Variants in FBXO22 observed in about 807,000 individuals in gnomAD.
FBXO22 encodes F-box protein 22.
FBXO22 carries 13 observed loss-of-function variants against 37.2 expected under a neutral mutation model. The observed-to-expected ratio is 0.35, with a 90% CI of 0.23 to 0.56. The LOEUF (loss-of-function observed/expected upper bound fraction) is 0.56, where lower values mean the gene tolerates loss of function less well. Among genes scored for constraint, FBXO22 ranks in the 20% least tolerant of loss-of-function variants. The pLI is 0.87. For synonymous variants in FBXO22, 189 were observed against 189.1 expected (o/e 1.00, Z 0.00); for missense variants, 446 against 509.9 (o/e 0.87, Z 1.21).
chr15:75,911,765 T>A (rs1413159614), intron 2 of FBXO22, among the ~76,000 whole-genome samples: 3 of 151,486 alleles, frequency 2.0e-5, no homozygotes, highest in African/African-American at 7.3e-5. Context: ...TTCTTTCTCT[T>A]GCTTGATTGG....
At chr15:75,914,234 C>T (rs1452389175) in intron 4 of FBXO22, 29 bp downstream of exon 4, 1 of 1,498,406 alleles carries the variant, frequency 6.7e-7, no homozygotes, top group Non-Finnish European at 9.3e-7. Context: ...TTGATGATTT[C>T]TTCCTTGCAT....
In FBXO22 at chr15:75,903,948, G is replaced by A. The variant is rs1037571715; in HGVS notation, c.-16G>A. ...TCCGAGCCGCCGTAGGACTGGTTCC[G>A]GCGGGCTGGTGAGGAATGGAGCCGG... On this transcript the variant is annotated 5_prime_UTR_variant, in exon 1 of 7. Transcript: ENST00000308275. The A allele has an allele frequency of 7.8e-6, 12 of 1,533,102 alleles. No homozygotes were observed. Among genetic ancestry groups the A allele is most frequent in the Non-Finnish European group, 9.7e-6 (11 of 1,135,610 alleles). The allele number at this position is 1,533,102 out of a possible 1,614,324, so 95.0% of individuals were successfully genotyped here. A position where few individuals can be genotyped will look rare whatever the true frequency, so the allele number is the denominator to read the frequency against.
rs1159083134 is a variant in FBXO22 at position 75,933,418 on chromosome 15, G to A, written c.*316G>A. 7.3e-6 allele frequency: 2 copies of A among 272,114 alleles called. No homozygotes were observed. Among genetic ancestry groups the A allele is most frequent in the African/African-American group, 2.3e-5 (1 of 43,830 alleles). The allele number at this position is 272,114 out of a possible 1,614,324, so 16.9% of individuals were successfully genotyped here. On this transcript the variant is annotated 3_prime_UTR_variant, in exon 7 of 7. Transcript: ENST00000308275. The stretch of plus-strand genomic sequence containing the variant: ...CTTCCTGCATAGGAAGAGCAAAAGG[G>A]TATTCATCAATAGGATATAGATTTA...
In FBXO22 at chr15:75,914,178, C is replaced by T. The variant is rs372221349; in HGVS notation, c.436C>T (p.Leu146Phe). 5.0e-5 allele frequency: 80 copies of T among 1,613,530 alleles called. No individual in the cohort carries two copies. The highest frequency in any genetic ancestry group is 6.6e-5 in the Non-Finnish European group (78 of 1,179,766). The change falls in exon 4 of 7, where the codon CTT becomes TTT. Residue 146 changes from leucine (L) to phenylalanine (F), a missense_variant. By Grantham distance (22) the Leu-to-Phe change is conservative. Transcript: ENST00000308275. ...GCTATTCCCCAAACAATGCCAAGTC[C>T]TTGGGATTGTGACCCCAGGAATTGT... ...EKLFPKQCQV[L>F]GIVTPGIVVT...
rs1900250636 is a variant in FBXO22, at chr15:75,918,831, AGG to A, written c.628+1438_628+1439del. Reference sequence around the variant, plus strand: ...AATATAGAGTTGAATGGCAGGCACCAGGATCTGGGGTGGTTGGGAGGGGCTTT... The same window carrying A: ...AATATAGAGTTGAATGGCAGGCACCAATCTGGGGTGGTTGGGAGGGGCTTT... On this transcript the variant is annotated intron_variant, in intron 5 of 6. Transcript: ENST00000308275. 2.0e-5 allele frequency among the ~76,000 whole-genome samples: 3 copies of A among 152,302 alleles called. No individual in the cohort carries two copies. The South Asian group carries it at 6.2e-4, about 32-fold the overall frequency.
chr15:75,904,551 C>T lies in FBXO22; in HGVS notation c.201C>T (p.Thr67=), dbSNP rs778035636. 6.2e-7 allele frequency: 1 copy of T among 1,613,990 alleles called. No homozygotes were observed. The highest frequency in any genetic ancestry group is 1.7e-5 in the Admixed American group (1 of 60,008). ...RRVLRTHRSV[T]WISAGLAEAG... is the part of the protein sequence containing the mutation. ...TATTGCGGACCCATCGGAGCGTAAC[C>T]TGGATCTCCGCAGGCCTGGCGGAGG... Residue 67 remains threonine, a synonymous_variant, in exon 2 of 7, where the codon ACC becomes ACT. Transcript: ENST00000308275.
chr15:75,918,876 A>C (rs1172204855), intron 5 of FBXO22, among the ~76,000 whole-genome samples: 1 of 152,216 alleles, frequency 6.6e-6, no homozygotes, highest in Non-Finnish European at 1.5e-5. Context: ...TGATGGTCAA[A>C]AGATACAAAA....
intron 5 of FBXO22, among the ~76,000 whole-genome samples, chr15:75,924,978 C>G (rs530442383): frequency 3.9e-5 from 6 of 152,122 alleles, no homozygotes; most frequent in Admixed American, 1.3e-4. Flanking sequence ...GTTTTATTTG[C>G]GGAGAGTCCC....
intron 6 of FBXO22, 88 bp downstream of exon 6, chr15:75,930,137 G>T: frequency 1.9e-6 from 3 of 1,597,626 alleles, no homozygotes; most frequent in Non-Finnish European, 2.6e-6. Context: ...TTTAAAAAAC[G>T]TGTTTAAAGA....
chr15:75,922,389 G>T (rs942111846), intron 5 of FBXO22, among the ~76,000 whole-genome samples: 3 of 152,206 alleles, frequency 2.0e-5, no homozygotes, highest in Non-Finnish European at 4.4e-5. Context: ...GTAGATTGCT[G>T]TAGGGGTTCT....
rs778567562 is a variant in FBXO22 at position 75,939,594 on chromosome 15, G to T, written c.*6492G>T. On this transcript the variant is annotated 3_prime_UTR_variant, in exon 7 of 7. Transcript: ENST00000308275. ...GCCAGACAAAGATACTACAAGAAAA[G>T]ATTACAGACCAGTTATTCCTTATGA... 8 of 152,104 alleles carry T rather than the reference G, an allele frequency of 5.3e-5. No individual in the cohort carries two copies. Among genetic ancestry groups the T allele is most frequent in the Non-Finnish European group, 8.8e-5 (6 of 67,976 alleles). The allele number at this position is 152,104 out of a possible 1,614,324, so 9.4% of individuals were successfully genotyped here.
chr15:75,920,227 C>G (rs1452886451), intron 5 of FBXO22, among the ~76,000 whole-genome samples: 1 of 152,178 alleles, frequency 6.6e-6, no homozygotes, highest in African/African-American at 2.4e-5. Flanking sequence ...GTTCAGCAAA[C>G]TAGGTCTTTT....
At chr15:75,928,845 G>A (rs1162851530) in intron 5 of FBXO22, among the ~76,000 whole-genome samples, 1 of 152,164 alleles carries the variant, frequency 6.6e-6, no homozygotes, top group Non-Finnish European at 1.5e-5. Flanking sequence ...ACCTCCTAGC[G>A]GTAGCAGCTT....
At chr15:75,904,454 C>T in intron 1 of FBXO22, 37 bp from the exon 2 acceptor site, 3 of 1,612,814 alleles carry the variant, frequency 1.9e-6, no homozygotes, top group Non-Finnish European at 1.7e-6. Flanking sequence ...CGAAAATGAA[C>T]GTCCGTTCGC....
chr15:75,912,477 T>C (rs1324202058), intron 2 of FBXO22, among the ~76,000 whole-genome samples: 1 of 152,232 alleles, frequency 6.6e-6, no homozygotes, highest in East Asian at 1.9e-4. Context: ...GGGATTCGAC[T>C]TCTTCCTGGT....
intron 5 of FBXO22, among the ~76,000 whole-genome samples, chr15:75,922,096 C>T (rs1186040868): frequency 6.6e-6 from 1 of 152,008 alleles, no homozygotes; most frequent in African/African-American, 2.4e-5. Flanking sequence ...TTGTCATTGC[C>T]AAGTATGCAT....
At chr15:75,920,058 C>T (rs912793575) in intron 5 of FBXO22, among the ~76,000 whole-genome samples, 3 of 152,114 alleles carry the variant, frequency 2.0e-5, no homozygotes, top group Non-Finnish European at 4.4e-5. Flanking sequence ...TGCCAAACTT[C>T]CTTTGGGAAA....
At chr15:75,919,488 G>T (rs577554005) in intron 5 of FBXO22, among the ~76,000 whole-genome samples, 2 of 152,316 alleles carry the variant, frequency 1.3e-5, no homozygotes, top group East Asian at 3.9e-4. Flanking sequence ...TTGCAGGCTT[G>T]TAGCTACTCT....
chr15:75,909,578 G>C (rs1191778383), intron 2 of FBXO22, among the ~76,000 whole-genome samples: 1 of 152,082 alleles, frequency 6.6e-6, no homozygotes, highest in Admixed American at 6.6e-5. Context: ...GGTACTTGAT[G>C]TTTTTGTTCT....
Sources: gnomAD v4.1 joint callset for allele counts (sites outside exome capture counted in the v4.1 genomes callset) on GRCh38, gnomAD v4.1.1 for gene constraint, MANE v1.5 for transcripts, NCBI Gene and HGNC (gene_info 2026-07-23, HGNC 2026-07-21) for gene names.